The following MMP3 variants were observed in gnomAD, a reference collection of about 807,000 sequenced individuals.
MMP3 encodes stromelysin-1.
In MMP3, 46 loss-of-function variants were observed where a neutral mutation model predicts 47.3. The observed-to-expected ratio is 0.97, with a 90% CI of 0.77 to 1.24. The LOEUF (loss-of-function observed/expected upper bound fraction) is 1.24. Ranked by LOEUF, MMP3 falls within the 50% of genes most tolerant of loss-of-function variation. The probability of loss-of-function intolerance (pLI) is 0.00; values close to 1 mark genes in which losing one functional copy is unlikely to be tolerated. For synonymous variants in MMP3, 216 were observed against 206.5 expected (o/e 1.05, Z -0.39); for missense variants, 558 against 565.5 (o/e 0.99, Z 0.13).
Position 102,836,527 on chromosome 11 carries a change from G to C in MMP3, c.1334-301C>G, listed in dbSNP as rs1555004580. On this transcript the variant is annotated intron_variant, in intron 9 of 9. Coordinates refer to ENST00000299855, the MANE Select transcript of MMP3 (RefSeq NM_002422.5). The surrounding 1 kb of genome is among the most constrained non-coding windows in gnomAD (Gnocchi z 4.6). ...GGAGACAGCACTCGGTGCCAGCTCT[G>C]TCTGAAAACACAGCCAGATTCCAGG... 3.3e-5 allele frequency: 17 copies of C among 515,862 alleles called. No homozygotes were observed. The highest frequency in any genetic ancestry group is 5.5e-5 in the Non-Finnish European group (14 of 256,796). 32.0% of individuals were successfully genotyped at this position (515,862 alleles called of 1,614,324 possible). A position where few individuals can be genotyped will look rare whatever the true frequency, so the allele number is the denominator to read the frequency against.
chr11:102,840,950 C>A (rs1036400134), intron 4 of MMP3, among the ~76,000 whole-genome samples: 3 of 152,068 alleles, frequency 2.0e-5, no homozygotes, highest in Non-Finnish European at 4.4e-5. Context: ...AGATATTTAC[C>A]TTCATTTGTC....
At position 102,839,254 on chromosome 11, in the gene MMP3, T is replaced by C; in HGVS notation, c.936-11A>G. 1 of 1,613,198 alleles carries C rather than the reference T, an allele frequency of 6.2e-7. No homozygotes were observed. Among genetic ancestry groups the C allele is most frequent in the Non-Finnish European group, 8.5e-7 (1 of 1,179,748 alleles). ...TTGCGCCAAAAGTGCCTAAAATATA[T>C]GTAAAAAGAAATGTAAATTGAAAAA... On this transcript the variant is annotated splice_polypyrimidine_tract_variant and intron_variant, in intron 6 of 9. Transcript: ENST00000299855.
chr11:102,841,109 T>C (rs552518622), intron 4 of MMP3, among the ~76,000 whole-genome samples: 4 of 152,316 alleles, frequency 2.6e-5, no homozygotes, highest in African/African-American at 9.6e-5. Flanking sequence ...ATGATAGATG[T>C]CATAGGATTT....
At chr11:102,841,964 C>T (rs1859005727) in intron 4 of MMP3, among the ~76,000 whole-genome samples, 190 bp downstream of exon 4, 2 of 151,992 alleles carry the variant, frequency 1.3e-5, no homozygotes, top group African/African-American at 4.8e-5. Flanking sequence ...ATTGTGCTTA[C>T]CAATATAGGA....
rs3025095 is a variant in MMP3 at position 102,837,680 on chromosome 11, T to C, written c.1230-279A>G. Among the ~76,000 whole-genome samples, 1 of 152,264 alleles carries C rather than the reference T, an allele frequency of 6.6e-6. No homozygotes were observed. The highest frequency in any genetic ancestry group is 1.5e-5 in the Non-Finnish European group (1 of 68,022). On this transcript the variant is annotated intron_variant, in intron 8 of 9. Coordinates refer to ENST00000299855, the MANE Select transcript of MMP3 (RefSeq NM_002422.5). The surrounding 1 kb of genome is among the most constrained non-coding windows in gnomAD (Gnocchi z 4.4). Reference sequence around the variant, plus strand: ...GCCTGGACAGAAAGAACCTTAATCATCTTTCTGTCACAAAGACATGAAAGT... The same window carrying C: ...GCCTGGACAGAAAGAACCTTAATCACCTTTCTGTCACAAAGACATGAAAGT...
chr11:102,836,917 G>A lies in MMP3; in HGVS notation c.1333+381C>T, dbSNP rs1858892449. 6.6e-6 allele frequency among the ~76,000 whole-genome samples: 1 copy of A among 152,108 alleles called. No homozygotes were observed. Among genetic ancestry groups the A allele is most frequent in the African/African-American group, 2.4e-5 (1 of 41,410 alleles). ...CCCTGGGAATTAGTAGCAGCAATAA[G>A]ATAGGGTGGAGGAGAAGGCCAGCTA... is the stretch of plus-strand genomic sequence containing the variant. On this transcript the variant is annotated intron_variant, in intron 9 of 9. Transcript: ENST00000299855. This position sits in a 1 kb window ranked among gnomAD's most constrained non-coding sequence, Gnocchi z 4.6.
chr11:102,842,263 G>A lies in MMP3; in HGVS notation c.516C>T (p.Tyr172=), dbSNP rs368913824. The change falls in exon 4 of 10, where the codon TAC becomes TAT. Residue 172 remains tyrosine (Y), a synonymous_variant. Coordinates refer to ENST00000299855, the MANE Select transcript of MMP3 (RefSeq NM_002422.5). ...SFAVREHGDF[Y]PFDGPGNVLA... is the part of the protein sequence containing the mutation. ...AAACATTTCCAGGTCCATCAAAAGG[G>A]TAAAAGTCTCCATGTTCTAGTAGGA... 1 of 1,604,870 alleles carries A rather than the reference G, an allele frequency of 6.2e-7. No individual in the cohort carries two copies. The highest frequency in any genetic ancestry group is 8.5e-7 in the Non-Finnish European group (1 of 1,177,706).
In MMP3 at chr11:102,840,176, G is replaced by T; in HGVS notation, c.867C>A (p.Asn289Lys). The T allele has an allele frequency of 1.2e-6, 2 of 1,614,148 alleles. No homozygotes were observed. Among genetic ancestry groups the T allele is most frequent in the Non-Finnish European group, 1.7e-6 (2 of 1,180,006 alleles). ...CATCAAAGGACAAAGCAGGATCACA[G>T]TTGGCTGGCGTCCCAGGTTCTGGAG... Reference protein sequence around the residue: ...PVPPEPGTPANCDPALSFDAV... With the variant: ...PVPPEPGTPAKCDPALSFDAV... The change falls in exon 6 of 10, where the codon AAC becomes AAA. Residue 289 changes from asparagine to lysine, a missense_variant. Coordinates refer to ENST00000299855, the MANE Select transcript of MMP3 (RefSeq NM_002422.5).
rs782730037 is a variant in MMP3, at chr11:102,842,554, G to T, written c.376C>A (p.Pro126Thr). The T allele has an allele frequency of 1.2e-6, 2 of 1,613,668 alleles. No homozygotes were observed. The highest frequency in any genetic ancestry group is 2.2e-5 in the South Asian group (2 of 91,036). Residue 126 changes from proline (P) to threonine (T), a missense_variant, in exon 3 of 10, where the codon CCA (proline) becomes ACA (threonine). By Grantham distance (38) the Pro-to-Thr change is conservative. Coordinates refer to ENST00000299855, the MANE Select transcript of MMP3 (RefSeq NM_002422.5). Reference protein sequence around the residue: ...YRIVNYTPDLPKDAVDSAVEK... With the variant: ...YRIVNYTPDLTKDAVDSAVEK... ...ACAGCAGAATCAACAGCATCTTTTG[G>T]CAAATCTGGTGTATAATTCACAATC...
In MMP3 at chr11:102,835,876, G is replaced by C; in HGVS notation, c.*250C>G. On this transcript the variant is annotated 3_prime_UTR_variant, in exon 10 of 10. Transcript: ENST00000299855. ...ATACAGTCACTTGTCTGTTGCACAC[G>C]AGTGCTTCCCCTTCTCTTGGGAAAG... 1 of 430,790 alleles carries C rather than the reference G, an allele frequency of 2.3e-6. No homozygotes were observed. Among genetic ancestry groups the C allele is most frequent in the Non-Finnish European group, 4.2e-6 (1 of 240,106 alleles). 26.7% of individuals were successfully genotyped at this position (430,790 alleles called of 1,614,324 possible).
rs148579119 is a variant in MMP3 at position 102,842,473 on chromosome 11, A to G, written c.457T>C (p.Tyr153His). ...ATCATTATATCAGCCTCTCCTTCATACAGCCTGGAGAATGTGAGTGGAGTC... is the reference window on the plus strand; with the variant it reads ...ATCATTATATCAGCCTCTCCTTCATGCAGCCTGGAGAATGTGAGTGGAGTC... ...EVTPLTFSRL[Y>H]EGEADIMISF... The change falls in exon 3 of 10, where the codon TAT becomes CAT. Residue 153 changes from tyrosine to histidine, a missense_variant. Tyr to His is a moderately conservative substitution (Grantham distance 83). Transcript: ENST00000299855. The G allele has an allele frequency of 2.2e-3, 3,553 of 1,593,272 alleles. 8 individuals carry two copies. Among genetic ancestry groups the G allele is most frequent in the Non-Finnish European group, 2.7e-3 (3,228 of 1,177,128 alleles).
At chr11:102,838,127 AC>A (rs1457111595) in intron 8 of MMP3, among the ~76,000 whole-genome samples, 1 of 152,166 alleles carries the variant, frequency 6.6e-6, no homozygotes, top group Non-Finnish European at 1.5e-5. Context: ...TGACAAACAC[AC>A]AGTGAGACAG....
chr11:102,836,634 A>T lies in MMP3; in HGVS notation c.1334-408T>A. 1 of 461,804 alleles carries T rather than the reference A, an allele frequency of 2.2e-6. No individual in the cohort carries two copies. Among genetic ancestry groups the T allele is most frequent in the South Asian group, 1.6e-5 (1 of 62,318 alleles). The allele number at this position is 461,804 out of a possible 1,614,324, so 28.6% of individuals were successfully genotyped here. A position where few individuals can be genotyped will look rare whatever the true frequency, so the allele number is the denominator to read the frequency against. ...ATCACCTATTTCTTTCTTCCCCAAA[A>T]ATCCTCCTCCCTTTTCCCTGCATTG... On this transcript the variant is annotated intron_variant, in intron 9 of 9. Coordinates refer to ENST00000299855, the MANE Select transcript of MMP3 (RefSeq NM_002422.5). This position sits in a 1 kb window ranked among gnomAD's most constrained non-coding sequence, Gnocchi z 4.6.
At chr11:102,841,748 T>G (rs1447306077) in intron 4 of MMP3, among the ~76,000 whole-genome samples, 2 of 151,720 alleles carry the variant, frequency 1.3e-5, no homozygotes, top group Non-Finnish European at 2.9e-5. Flanking sequence ...TTTCTGAAAT[T>G]TAATTCTTAT....
intron 7 of MMP3, 128 bp downstream of exon 7, chr11:102,838,982 G>T: frequency 9.9e-7 from 1 of 1,012,184 alleles, no homozygotes; most frequent in Non-Finnish European, 1.5e-6. Context: ...ATCAGCCCTG[G>T]TTATTTCTTC....
At position 102,842,139 on chromosome 11, in the gene MMP3, A is replaced by T; in HGVS notation, c.625+15T>A. The T allele has an allele frequency of 6.5e-7, 1 of 1,532,284 alleles. No individual in the cohort carries two copies. The highest frequency in any genetic ancestry group is 8.8e-7 in the Non-Finnish European group (1 of 1,141,412). 94.9% of individuals were successfully genotyped at this position (1,532,284 alleles called of 1,614,324 possible). On this transcript the variant is annotated intron_variant, in intron 4 of 9. Transcript: ENST00000299855. ...AAATTAATGCCAAAATCATTCTGAGAGATGTGTAACTAACCTGTTGTATCC... is the reference window on the plus strand; with the variant it reads ...AAATTAATGCCAAAATCATTCTGAGTGATGTGTAACTAACCTGTTGTATCC...
rs1859031935 is a variant in MMP3 at position 102,842,780 on chromosome 11, G to T, written c.242C>A (p.Ser81Tyr). Residue 81 changes from serine to tyrosine, a missense_variant, in exon 2 of 10, where the codon TCC becomes TAC. Coordinates refer to ENST00000299855, the MANE Select transcript of MMP3 (RefSeq NM_002422.5). The stretch of plus-strand genomic sequence containing the variant: ...CTTGCGCATCACCTCCAGAGTGTCG[G>T]AGTCCAGCTTCCCCGTCACCTCCAA... ...LGLEVTGKLD[S>Y]DTLEVMRKPR... 6.2e-7 allele frequency: 1 copy of T among 1,613,788 alleles called. No individual in the cohort carries two copies. Among genetic ancestry groups the T allele is most frequent in the East Asian group, 2.2e-5 (1 of 44,892 alleles).
Position 102,840,525 on chromosome 11 carries a change from T to C in MMP3, c.694A>G (p.Thr232Ala). 6.2e-7 allele frequency: 1 copy of C among 1,614,094 alleles called. No individual in the cohort carries two copies. The highest frequency in any genetic ancestry group is 1.7e-4 in the Middle Eastern group (1 of 6,056). ...HSLGLFHSAN[T>A]EALMYPLYHS... ...TAGAGTGGGTACATCAAAGCTTCAG[T>C]GTTGGCTGAGTGAAAGAGACCCAGG... is the stretch of plus-strand genomic sequence containing the variant. Residue 232 changes from threonine (T) to alanine (A), a missense_variant, in exon 5 of 10, where the codon ACT becomes GCT. Thr to Ala is a moderately conservative substitution (Grantham distance 58). Transcript: ENST00000299855.
chr11:102,839,587 G>A (rs111961940), intron 6 of MMP3, among the ~76,000 whole-genome samples: 7,985 of 152,270 alleles, frequency 0.052, 286 homozygotes, highest in Middle Eastern at 0.085. Flanking sequence ...GTTTGTATAC[G>A]TGTATGTGCT....
Sources: gnomAD v4.1 joint callset for allele counts (sites outside exome capture counted in the v4.1 genomes callset) on GRCh38, gnomAD v4.1.1 for gene constraint, Gnocchi (gnomAD v3.1) non-coding constraint, MANE v1.5 for transcripts, NCBI Gene and HGNC (gene_info 2026-07-23, HGNC 2026-07-21) for gene names.